Variants in NCAM2 observed in about 807,000 individuals in gnomAD.
NCAM2 encodes the protein N-CAM-2.
Under a neutral mutation model 98.1 loss-of-function variants are expected in NCAM2, and 30 were observed. The ratio of observed to expected loss-of-function variants is 0.31; its 90% CI spans 0.23 to 0.41. The LOEUF is 0.41. NCAM2 is among the 10% of genes least tolerant of loss of function. NCAM2 has a pLI of 1.00. For synonymous variants in NCAM2, 368 were observed against 342.4 expected (o/e 1.07, Z -0.83); for missense variants, 867 against 1,005.8 (o/e 0.86, Z 1.87).
chr21:21,324,442 G>A lies in NCAM2; in HGVS notation c.679G>A (p.Glu227Lys). 6.2e-7 allele frequency: 1 copy of A among 1,613,770 alleles called. No homozygotes were observed. The highest frequency in any genetic ancestry group is 8.5e-7 in the Non-Finnish European group (1 of 1,179,808). The stretch of plus-strand genomic sequence containing the variant: ...TAATGCCACAGCAGAGAGAGGAGAA[G>A]AAATGACATTTTCCTGCAGGGCCTC... ...SFNATAERGE[E>K]MTFSCRASGS... The change falls in exon 6 of 18, where the codon GAA (glutamate) becomes AAA (lysine). Residue 227 changes from glutamate to lysine, a missense_variant. Physicochemically the swap from Glu to Lys is moderately conservative, Grantham distance 56. Coordinates refer to ENST00000400546, the MANE Select transcript of NCAM2 (RefSeq NM_004540.5).
intron 9 of NCAM2, among the ~76,000 whole-genome samples, chr21:21,393,878 A>G (rs2076438207): frequency 6.6e-6 from 1 of 152,200 alleles, no homozygotes; most frequent in African/African-American, 2.4e-5. Context: ...TATTTTATGT[A>G]TGATTTGATG....
chr21:21,010,628 A>G (rs2064192077), intron 1 of NCAM2, among the ~76,000 whole-genome samples: 2 of 152,088 alleles, frequency 1.3e-5, no homozygotes, highest in South Asian at 4.1e-4. Flanking sequence ...GGATTAAACT[A>G]TTGACTATGG....
intron 1 of NCAM2, among the ~76,000 whole-genome samples, chr21:21,128,507 T>G (rs536021446): frequency 6.6e-6 from 1 of 152,234 alleles, no homozygotes; most frequent in Admixed American, 6.5e-5. Context: ...TTAAGACAAC[T>G]AATGAAAAAG....
At chr21:21,266,418 A>G (rs1030738249) in intron 1 of NCAM2, among the ~76,000 whole-genome samples, 1 of 152,130 alleles carries the variant, frequency 6.6e-6, no homozygotes, top group Non-Finnish European at 1.5e-5. Flanking sequence ...ATATGGCCAT[A>G]TAAACAAATA....
At chr21:21,239,967 C>T (rs954182324) in intron 1 of NCAM2, among the ~76,000 whole-genome samples, 1 of 152,052 alleles carries the variant, frequency 6.6e-6, no homozygotes, top group African/African-American at 2.4e-5. Flanking sequence ...TTCTCTGTCT[C>T]TCTCCCCCTC....
intron 7 of NCAM2, among the ~76,000 whole-genome samples, chr21:21,336,714 T>A (rs577886574): frequency 6.6e-6 from 1 of 152,124 alleles, no homozygotes; most frequent in East Asian, 1.9e-4. Flanking sequence ...TAGAGAGATA[T>A]TTATAAAGCT....
intron 1 of NCAM2, among the ~76,000 whole-genome samples, chr21:21,211,501 A>T (rs1405043766): frequency 2.0e-5 from 3 of 152,136 alleles, no homozygotes; most frequent in African/African-American, 7.2e-5. Context: ...ACTTTTTACC[A>T]CCTAATGTGT....
chr21:21,529,811 C>G (rs1029997425), intron 16 of NCAM2, among the ~76,000 whole-genome samples: 9 of 151,178 alleles, frequency 6.0e-5, no homozygotes, highest in African/African-American at 2.2e-4. Context: ...CTTTAAGTAA[C>G]TAAATATTTT....
At chr21:21,255,736 G>A (rs1193870147) in intron 1 of NCAM2, among the ~76,000 whole-genome samples, 3 of 152,052 alleles carry the variant, frequency 2.0e-5, no homozygotes, top group Admixed American at 2.0e-4. Flanking sequence ...CTAAATATTT[G>A]TTAAATAAAC....
chr21:21,534,885 A>C (rs62216126), intron 17 of NCAM2, among the ~76,000 whole-genome samples: 2,767 of 152,234 alleles, frequency 0.018, 44 homozygotes, highest in Non-Finnish European at 0.029. Flanking sequence ...TATATCTGTA[A>C]TTTAATGCAA....
intron 10 of NCAM2, among the ~76,000 whole-genome samples, chr21:21,415,399 G>A (rs1197825999): frequency 7.4e-6 from 1 of 134,668 alleles, no homozygotes. Flanking sequence ...GTAGTGGCGC[G>A]ATCTCGGCTC....
chr21:21,303,430 TTA>T (rs757466964), intron 5 of NCAM2, among the ~76,000 whole-genome samples: 18 of 152,064 alleles, frequency 1.2e-4, no homozygotes, highest in Non-Finnish European at 2.4e-4. Flanking sequence ...TGAGATTCAT[TTA>T]TGTTATCCCA....
chr21:21,222,263 A>G (rs1225579051), intron 1 of NCAM2, among the ~76,000 whole-genome samples: 1 of 152,206 alleles, frequency 6.6e-6, no homozygotes, highest in Non-Finnish European at 1.5e-5. Flanking sequence ...CTGCTAAAAC[A>G]ACATCCATTC....
intron 8 of NCAM2, among the ~76,000 whole-genome samples, chr21:21,345,106 A>C (rs919037847): frequency 6.6e-6 from 1 of 152,134 alleles, no homozygotes; most frequent in Admixed American, 6.5e-5. Context: ...AACTTAGATC[A>C]CAATACCCAA....
intron 1 of NCAM2, among the ~76,000 whole-genome samples, chr21:21,008,290 T>C (rs915780942): frequency 4.6e-5 from 7 of 152,198 alleles, no homozygotes; most frequent in African/African-American, 1.7e-4. Context: ...GGCTTCATGC[T>C]ACTTATTCTA....
chr21:21,082,639 T>C (rs1378586299), intron 1 of NCAM2, among the ~76,000 whole-genome samples: 1 of 152,216 alleles, frequency 6.6e-6, no homozygotes, highest in Non-Finnish European at 1.5e-5. Context: ...TTGCTATGCA[T>C]GTAGAGGGTA....
At chr21:21,161,392 A>G (rs1310444864) in intron 1 of NCAM2, among the ~76,000 whole-genome samples, 1 of 152,058 alleles carries the variant, frequency 6.6e-6, no homozygotes, top group East Asian at 1.9e-4. Context: ...ACTGTTTACT[A>G]TATGCCAGAT....
At chr21:21,054,238 A>G (rs1211050447) in intron 1 of NCAM2, among the ~76,000 whole-genome samples, 1 of 152,022 alleles carries the variant, frequency 6.6e-6, no homozygotes, top group Non-Finnish European at 1.5e-5. Context: ...ACATATTAGG[A>G]ACCTAGGCGT....
intron 15 of NCAM2, among the ~76,000 whole-genome samples, chr21:21,506,766 T>C (rs751621425): frequency 2.0e-5 from 3 of 152,158 alleles, no homozygotes; most frequent in Non-Finnish European, 4.4e-5. Flanking sequence ...CTAAGTAGCA[T>C]GTTAAAATTT....
Sources: gnomAD v4.1 joint callset for allele counts (sites outside exome capture counted in the v4.1 genomes callset) on GRCh38, gnomAD v4.1.1 for gene constraint, MANE v1.5 for transcripts, NCBI Gene and HGNC (gene_info 2026-07-23, HGNC 2026-07-21) for gene names.